Variants in RNF180 observed in about 807,000 individuals in gnomAD.
The protein encoded by RNF180 is ring finger protein 180.
A neutral mutation model predicts 59.2 loss-of-function variants in RNF180; 38 were observed. The observed-to-expected ratio is 0.64, with a 90% CI of 0.50 to 0.84. RNF180 has a LOEUF of 0.84. Among genes scored for constraint, RNF180 ranks in the 40% least tolerant of loss-of-function variants. The probability of loss-of-function intolerance (pLI) is 0.00; values close to 1 mark genes in which losing one functional copy is unlikely to be tolerated. For synonymous variants in RNF180, 262 were observed against 240.3 expected, an observed-to-expected ratio of 1.09 and a Z score of -0.84; for missense variants, 705 against 700.9, an observed-to-expected ratio of 1.01 and a Z score of -0.07.
chr5:64,182,940 T>C (rs1750686407), intron 1 of RNF180, among the ~76,000 whole-genome samples: 2 of 152,192 alleles, frequency 1.3e-5, no homozygotes, highest in Admixed American at 1.3e-4. Flanking sequence ...TGAATATAGA[T>C]CTTGACATTC....
intron 5 of RNF180, among the ~76,000 whole-genome samples, chr5:64,223,916 A>G (rs1323635541): frequency 1.3e-5 from 2 of 152,178 alleles, no homozygotes; most frequent in Non-Finnish European, 2.9e-5. Flanking sequence ...CAGAAATGCC[A>G]TATTGTAGAG....
intron 5 of RNF180, among the ~76,000 whole-genome samples, chr5:64,297,935 A>G (rs960395744): frequency 6.6e-6 from 1 of 152,006 alleles, no homozygotes; most frequent in African/African-American, 2.4e-5. Flanking sequence ...GTACATGTGC[A>G]GGATGTGCAG....
At chr5:64,252,538 G>C (rs1053938899) in intron 5 of RNF180, among the ~76,000 whole-genome samples, 1 of 151,972 alleles carries the variant, frequency 6.6e-6, no homozygotes, top group African/African-American at 2.4e-5. Flanking sequence ...ATTTTGCATA[G>C]GGAATACATA....
In RNF180 at chr5:64,371,561, G is replaced by A. The variant is rs1291845244; in HGVS notation, c.*1747G>A. Reference sequence around the variant, plus strand: ...TTGATTCCCAATATATATTTGTTAGGTCAGTGATACATATCAGTTTATAGA... The same window carrying A: ...TTGATTCCCAATATATATTTGTTAGATCAGTGATACATATCAGTTTATAGA... On this transcript the variant is annotated 3_prime_UTR_variant, in exon 8 of 8. Transcript: ENST00000389100. The A allele has an allele frequency of 6.6e-6, 1 of 151,400 alleles. No individual in the cohort carries two copies. The allele number at this position is 151,400 out of a possible 1,614,324, so 9.4% of individuals were successfully genotyped here.
At chr5:64,165,535 A>G (rs920269219), upstream of RNF180, among the ~76,000 whole-genome samples, 2 of 152,228 alleles carry the variant, frequency 1.3e-5, no homozygotes, top group Non-Finnish European at 2.9e-5. Context: ...TCTTAACTCC[A>G]GAAAAGGCCG....
intron 5 of RNF180, among the ~76,000 whole-genome samples, chr5:64,238,105 A>G (rs1005752902): frequency 2.0e-5 from 3 of 152,206 alleles, no homozygotes; most frequent in Non-Finnish European, 4.4e-5. Context: ...ATGACTTTCC[A>G]TGACTGGCTT....
intron 2 of RNF180, among the ~76,000 whole-genome samples, chr5:64,210,276 C>T (rs1046706080): frequency 1.3e-5 from 2 of 152,082 alleles, no homozygotes; most frequent in Non-Finnish European, 2.9e-5. Flanking sequence ...TAAGGTGGCT[C>T]TTCACAGAGT....
At chr5:64,336,568 A>G (rs1296704837) in intron 7 of RNF180, among the ~76,000 whole-genome samples, 3 of 152,222 alleles carry the variant, frequency 2.0e-5, no homozygotes, top group Non-Finnish European at 4.4e-5. Context: ...TGACTAGCCT[A>G]GACACCTATT....
At chr5:64,198,209 C>T (rs1022999275) in intron 1 of RNF180, among the ~76,000 whole-genome samples, 2 of 151,950 alleles carry the variant, frequency 1.3e-5, no homozygotes, top group African/African-American at 4.8e-5. Flanking sequence ...TTTTTTTCTA[C>T]GAAGACTTCA....
At chr5:64,257,669 T>G (rs924698629) in intron 5 of RNF180, among the ~76,000 whole-genome samples, 1 of 152,160 alleles carries the variant, frequency 6.6e-6, no homozygotes, top group Non-Finnish European at 1.5e-5. Context: ...ATTCTCTTTT[T>G]TGTGTGTGTG....
At position 64,214,224 on chromosome 5, in the gene RNF180, C is replaced by G; in HGVS notation, c.898C>G (p.His300Asp). Residue 300 changes from histidine to aspartate, a missense_variant, in exon 4 of 8, where the codon CAT becomes GAT. Transcript: ENST00000389100. ...GCTGCAAAGATTTTCAGTGGCCCCC[C>G]ATGAGACCCAGACACAAAGAGGAGG... Reference protein sequence around the residue: ...MLLQRFSVAPHETQTQRGGEF... With the variant: ...MLLQRFSVAPDETQTQRGGEF... 6.2e-7 allele frequency: 1 copy of G among 1,614,044 alleles called. No homozygotes were observed. Among genetic ancestry groups the G allele is most frequent in the Non-Finnish European group, 8.5e-7 (1 of 1,179,990 alleles).
chr5:64,325,929 T>A (rs1293005020), intron 6 of RNF180, among the ~76,000 whole-genome samples: 3 of 152,162 alleles, frequency 2.0e-5, no homozygotes, highest in Non-Finnish European at 4.4e-5. Context: ...TTGACCTAAT[T>A]TTCATATAAA....
chr5:64,302,028 C>G (rs1743186167), intron 5 of RNF180, among the ~76,000 whole-genome samples: 5 of 151,548 alleles, frequency 3.3e-5, no homozygotes. Context: ...GTAAAATACC[C>G]ACTCCACAAG....
intron 2 of RNF180, among the ~76,000 whole-genome samples, chr5:64,204,508 T>G (rs961111228): frequency 6.6e-6 from 1 of 152,210 alleles, no homozygotes; most frequent in Non-Finnish European, 1.5e-5. Flanking sequence ...AAATGTCTTT[T>G]TTTCTTGCCT....
intron 5 of RNF180, among the ~76,000 whole-genome samples, chr5:64,222,242 A>G (rs2968295): frequency 6.6e-6 from 1 of 152,250 alleles, no homozygotes; most frequent in East Asian, 1.9e-4. Flanking sequence ...TTGATGATTC[A>G]CTAAGAGGAC....
At chr5:64,310,481 T>C (rs573431165) in intron 5 of RNF180, among the ~76,000 whole-genome samples, 9 of 151,676 alleles carry the variant, frequency 5.9e-5, no homozygotes, top group African/African-American at 2.2e-4. Flanking sequence ...GTGCCTCATA[T>C]TTTAGGTTTT....
rs143916919 is a variant in RNF180 at position 64,332,850 on chromosome 5, A to G, written c.1579+2444A>G. On this transcript the variant is annotated intron_variant, in intron 7 of 7. Coordinates refer to ENST00000389100, the MANE Select transcript of RNF180 (RefSeq NM_001113561.2). ...TTCAGGGAACAGGAGGAACTTCTGCATAAGACCAACAAAATCAGTACAGCT... is the reference window on the plus strand; with the variant it reads ...TTCAGGGAACAGGAGGAACTTCTGCGTAAGACCAACAAAATCAGTACAGCT... Among the ~76,000 whole-genome samples the G allele has an allele frequency of 1.3e-3, 194 of 152,312 alleles. 1 individual carries two copies. The highest frequency in any genetic ancestry group is 3.5e-3 in the African/African-American group (145 of 41,568).
intron 5 of RNF180, among the ~76,000 whole-genome samples, chr5:64,281,539 C>G (rs1333526153): frequency 6.6e-6 from 1 of 151,956 alleles, no homozygotes; most frequent in Non-Finnish European, 1.5e-5. Flanking sequence ...TGTTCTGTTG[C>G]CCAGGCTGGA....
intron 1 of RNF180, among the ~76,000 whole-genome samples, chr5:64,194,491 A>G (rs1751351958): frequency 6.6e-6 from 1 of 152,192 alleles, no homozygotes; most frequent in Admixed American, 6.5e-5. Context: ...TTATAGCAGC[A>G]TGATTTATAA....
Sources: allele counts gnomAD v4.1 joint callset (sites outside exome capture counted in the v4.1 genomes callset), GRCh38; gene constraint gnomAD v4.1.1; transcripts MANE v1.5; gene names NCBI Gene and HGNC (gene_info 2026-07-23, HGNC 2026-07-21).